Variants in MBD5 observed in about 807,000 individuals in gnomAD.
MBD5 encodes the protein methyl-CpG binding domain protein 5.
In MBD5, 13 loss-of-function variants were observed where a neutral mutation model predicts 117.3. That is an observed-to-expected ratio of 0.11 (90% confidence interval 0.07 to 0.18). MBD5 has a LOEUF of 0.18. Among genes scored for constraint, MBD5 ranks in the 10% least tolerant of loss-of-function variants. The probability of loss-of-function intolerance (pLI) is 1.00; values close to 1 mark genes in which losing one functional copy is unlikely to be tolerated. For missense variants in MBD5, 1,879 were observed against 2,093.8 expected, an observed-to-expected ratio of 0.90 and a Z score of 2.00; for synonymous variants, 727 against 766.4, an observed-to-expected ratio of 0.95 and a Z score of 0.85.
chr2:148,228,206 C>A (rs1308677526), intron 2 of MBD5, among the ~76,000 whole-genome samples: 4 of 152,112 alleles, frequency 2.6e-5, no homozygotes, highest in Admixed American at 2.6e-4. Flanking sequence ...AAAGGGAATG[C>A]TTCCAGTTTT....
At chr2:148,140,856 C>T (rs1406024896) in intron 1 of MBD5, among the ~76,000 whole-genome samples, 1 of 151,832 alleles carries the variant, frequency 6.6e-6, no homozygotes, top group East Asian at 1.9e-4. Context: ...ACCTCTGCCT[C>T]CTGGGCTCAA....
At chr2:148,500,782 A>T (rs1057488673) in intron 11 of MBD5, among the ~76,000 whole-genome samples, 1 of 152,232 alleles carries the variant, frequency 6.6e-6, no homozygotes, top group Non-Finnish European at 1.5e-5. Flanking sequence ...TTATTTAAAT[A>T]TAAGTGGAAT....
intron 2 of MBD5, among the ~76,000 whole-genome samples, chr2:148,228,444 C>A (rs1380681308): frequency 6.6e-6 from 1 of 152,220 alleles, no homozygotes; most frequent in Non-Finnish European, 1.5e-5. Context: ...ACCGGCCATG[C>A]ATCCCAGGGA....
chr2:148,493,917 T>C (rs1681608617), intron 11 of MBD5, among the ~76,000 whole-genome samples: 2 of 152,220 alleles, frequency 1.3e-5, no homozygotes, highest in South Asian at 4.1e-4. Context: ...TAATCTTAGC[T>C]CTGCCAGTTA....
rs1553475734 is a variant in MBD5, at chr2:148,134,234, A to ATC, written c.-924-44466_-924-44465insTC. Among the ~76,000 whole-genome samples the ATC allele has an allele frequency of 1.9e-3, 280 of 151,174 alleles. 1 individual carries two copies. The highest frequency in any genetic ancestry group is 2.9e-3 in the Non-Finnish European group (200 of 67,834). On this transcript the variant is annotated intron_variant, in intron 1 of 13. Transcript: ENST00000642680. ...ATGACAGATAGATAGATAGATAGATAGATCGATCGATCTACCGATAGAAAG... is the reference window on the plus strand; with the variant it reads ...ATGACAGATAGATAGATAGATAGATATCGATCGATCGATCTACCGATAGAAAG...
At chr2:148,048,118 A>G (rs1463197787) in intron 1 of MBD5, among the ~76,000 whole-genome samples, 2 of 152,178 alleles carry the variant, frequency 1.3e-5, no homozygotes, top group African/African-American at 2.4e-5. Flanking sequence ...TCAGATCCTG[A>G]AACATTCTGT....
intron 2 of MBD5, among the ~76,000 whole-genome samples, chr2:148,203,480 A>G (rs1203244631): frequency 6.6e-6 from 1 of 152,000 alleles, no homozygotes; most frequent in Non-Finnish European, 1.5e-5. Flanking sequence ...TCTTTTCCTG[A>G]ATTATCTTTG....
chr2:148,206,266 A>G (rs1699280448), intron 2 of MBD5, among the ~76,000 whole-genome samples: 1 of 152,154 alleles, frequency 6.6e-6, no homozygotes, highest in Non-Finnish European at 1.5e-5. Context: ...CCACTGTCAC[A>G]TTATCATTTA....
chr2:148,174,165 T>C (rs62183921), intron 1 of MBD5, among the ~76,000 whole-genome samples: 12,796 of 152,268 alleles, frequency 0.084, 603 homozygotes, highest in South Asian at 0.14. Context: ...GTATGGTCAA[T>C]TGATTTATGA....
At chr2:148,292,853 A>G (rs2106434896) in intron 3 of MBD5, among the ~76,000 whole-genome samples, 1 of 152,154 alleles carries the variant, frequency 6.6e-6, no homozygotes, top group East Asian at 1.9e-4. Context: ...GGATAAAGAA[A>G]ATGTGGTACC....
chr2:148,333,210 G>C (rs895480595), intron 3 of MBD5, among the ~76,000 whole-genome samples: 1 of 151,998 alleles, frequency 6.6e-6, no homozygotes, highest in Non-Finnish European at 1.5e-5. Flanking sequence ...CCTGTTAAGG[G>C]CTTTCCTCAG....
rs1055759517 is a variant in MBD5, at chr2:148,364,974, T to C, written c.-557+22638T>C. On this transcript the variant is annotated intron_variant, in intron 4 of 13. Transcript: ENST00000642680. ...GATATTCAGGACGTGAACTCAGCTC[T>C]GGACCAAGCAGACCTAATAGACATT... 2.7e-4 allele frequency among the ~76,000 whole-genome samples: 41 copies of C among 152,214 alleles called. 1 individual carries two copies. The highest frequency in any genetic ancestry group is 9.2e-4 in the African/African-American group (38 of 41,456).
At chr2:148,313,979 G>A (rs1310714015) in intron 3 of MBD5, among the ~76,000 whole-genome samples, 1 of 151,774 alleles carries the variant, frequency 6.6e-6, no homozygotes, top group Non-Finnish European at 1.5e-5. Context: ...CCCACTGTCT[G>A]ACCAATCTCA....
intron 1 of MBD5, among the ~76,000 whole-genome samples, chr2:148,146,728 G>A (rs559572771): frequency 6.6e-6 from 1 of 152,078 alleles, no homozygotes; most frequent in Admixed American, 6.6e-5. Context: ...CTTATGCATT[G>A]TTGGGATGCT....
intron 3 of MBD5, among the ~76,000 whole-genome samples, chr2:148,242,656 A>ATG (rs1474039704): frequency 6.6e-6 from 1 of 152,176 alleles, no homozygotes; most frequent in Non-Finnish European, 1.5e-5. Context: ...TGAAATAAAT[A>ATG]TGTGTGTATG....
chr2:148,235,378 A>C (rs1047841616), intron 3 of MBD5, among the ~76,000 whole-genome samples: 3 of 152,108 alleles, frequency 2.0e-5, no homozygotes, highest in African/African-American at 7.2e-5. Context: ...TAACCATCAG[A>C]CTGTATCAAT....
intron 3 of MBD5, among the ~76,000 whole-genome samples, chr2:148,250,148 C>T (rs547106339): frequency 2.0e-5 from 3 of 152,240 alleles, no homozygotes; most frequent in Admixed American, 1.3e-4. Context: ...CAAGCAAGAT[C>T]ATGTCTTTTG....
At chr2:148,151,626 A>T (rs1233558641) in intron 1 of MBD5, among the ~76,000 whole-genome samples, 1 of 152,060 alleles carries the variant, frequency 6.6e-6, no homozygotes, top group Admixed American at 6.6e-5. Flanking sequence ...AGATCCTGTT[A>T]TTGGTCTATT....
intron 3 of MBD5, among the ~76,000 whole-genome samples, chr2:148,266,416 A>C (rs1168508342): frequency 6.6e-6 from 1 of 151,988 alleles, no homozygotes; most frequent in African/African-American, 2.4e-5. Context: ...AAGCATTTAC[A>C]AAAAATAAGA....
Sources: allele counts gnomAD v4.1 joint callset (sites outside exome capture counted in the v4.1 genomes callset), GRCh38; gene constraint gnomAD v4.1.1; transcripts MANE v1.5; gene names NCBI Gene and HGNC (gene_info 2026-07-23, HGNC 2026-07-21).